DCC: variants seen among roughly 807,000 people sequenced by gnomAD.
DCC encodes DCC netrin 1 receptor.
Under a neutral mutation model 172.5 loss-of-function variants are expected in DCC, and 58 were observed. The ratio of observed to expected loss-of-function variants is 0.34; its 90% CI spans 0.27 to 0.42. The LOEUF (loss-of-function observed/expected upper bound fraction) is 0.42, where lower values mean the gene tolerates loss of function less well. Ranked by LOEUF, DCC falls within the 10% of genes least tolerant of loss-of-function variation. The probability of loss-of-function intolerance (pLI) is 1.00; values close to 1 mark genes in which losing one functional copy is unlikely to be tolerated. For synonymous variants in DCC, 709 were observed against 644.5 expected (o/e 1.10, Z -1.52); for missense variants, 1,740 against 1,791.0 (o/e 0.97, Z 0.51).
intron 1 of DCC, among the ~76,000 whole-genome samples, chr18:52,585,401 A>G (rs1377949872): frequency 6.6e-6 from 1 of 152,234 alleles, no homozygotes; most frequent in African/African-American, 2.4e-5. Context: ...CATAAGACAG[A>G]TTTAGGAGCA....
intron 1 of DCC, among the ~76,000 whole-genome samples, chr18:52,686,736 A>G (rs1430237125): frequency 6.6e-5 from 10 of 152,076 alleles, no homozygotes; most frequent in Non-Finnish European, 1.0e-4. Context: ...GAATGCCATG[A>G]GCTTACATGG....
chr18:52,641,737 G>A (rs2144901842), intron 1 of DCC, among the ~76,000 whole-genome samples: 1 of 152,064 alleles, frequency 6.6e-6, no homozygotes, highest in East Asian at 1.9e-4. Context: ...TGTGGATGTG[G>A]TGAACGGGAA....
intron 25 of DCC, among the ~76,000 whole-genome samples, chr18:53,479,630 A>C (rs1276081486): frequency 6.6e-6 from 1 of 152,176 alleles, no homozygotes; most frequent in Non-Finnish European, 1.5e-5. Flanking sequence ...CAAGATAAGA[A>C]GTAGTTTGTT....
intron 9 of DCC, among the ~76,000 whole-genome samples, chr18:53,197,554 C>G (rs955052379): frequency 1.3e-5 from 2 of 150,088 alleles, no homozygotes; most frequent in African/African-American, 4.9e-5. Context: ...CTGACACTAA[C>G]ATTTATCTTC....
In DCC at chr18:53,259,701, C is replaced by T. The variant is rs550118055; in HGVS notation, c.1911+44104C>T. Among the ~76,000 whole-genome samples the T allele has an allele frequency of 1.2e-3, 190 of 152,060 alleles. 2 individuals carry two copies. The South Asian group carries it at 0.013, about 10-fold the overall frequency. On this transcript the variant is annotated intron_variant, in intron 12 of 28. Coordinates refer to ENST00000442544, the MANE Select transcript of DCC (RefSeq NM_005215.4). ...ACAATTAAGTGTCTTGGAGTTGCTC[C>T]TCTGGAGGAGTATCTTTGTGGTGTT...
chr18:53,390,606 A>G (rs922804851), intron 16 of DCC, among the ~76,000 whole-genome samples: 6 of 152,198 alleles, frequency 3.9e-5, no homozygotes, highest in African/African-American at 1.4e-4. Context: ...TTTTAAGTGT[A>G]AATGTCTTAA....
intron 2 of DCC, among the ~76,000 whole-genome samples, chr18:52,784,469 A>T (rs1048891521): frequency 6.6e-6 from 1 of 152,010 alleles, no homozygotes; most frequent in African/African-American, 2.4e-5. Flanking sequence ...TTCTACTTTT[A>T]GTCTTTTGAG....
intron 25 of DCC, among the ~76,000 whole-genome samples, chr18:53,472,028 AT>A (rs747914278): frequency 1.6e-4 from 25 of 152,280 alleles, no homozygotes; most frequent in Non-Finnish European, 1.6e-4. Flanking sequence ...ACTCAATACC[AT>A]TTAGTCAAAT....
At chr18:53,466,043 C>A (rs747439298) in intron 24 of DCC, among the ~76,000 whole-genome samples, 1 of 152,160 alleles carries the variant, frequency 6.6e-6, no homozygotes, top group Non-Finnish European at 1.5e-5. Context: ...GGATTACAGG[C>A]ATGAGCCACC....
intron 1 of DCC, among the ~76,000 whole-genome samples, chr18:52,510,474 G>T (rs2031397980): frequency 6.6e-6 from 1 of 152,080 alleles, no homozygotes; most frequent in Non-Finnish European, 1.5e-5. Flanking sequence ...AGACATTTGG[G>T]CTTAATAAAC....
intron 10 of DCC, among the ~76,000 whole-genome samples, chr18:53,207,178 C>T (rs1426226062): frequency 6.6e-6 from 1 of 152,170 alleles, no homozygotes; most frequent in African/African-American, 2.4e-5. Flanking sequence ...ATCTCATTTA[C>T]TGCAGCCATG....
chr18:53,176,562 A>G (rs1226574876), intron 8 of DCC, among the ~76,000 whole-genome samples: 1 of 152,218 alleles, frequency 6.6e-6, no homozygotes, highest in East Asian at 1.9e-4. Flanking sequence ...TATGCAGCCA[A>G]AAAACACATG....
At chr18:53,020,766 G>C (rs1018344781) in intron 5 of DCC, among the ~76,000 whole-genome samples, 2 of 152,142 alleles carry the variant, frequency 1.3e-5, no homozygotes, top group Non-Finnish European at 2.9e-5. Context: ...GGATAAGTCA[G>C]AGTCCCTGTC....
At chr18:52,782,189 A>T (rs977653199) in intron 2 of DCC, among the ~76,000 whole-genome samples, 1 of 152,162 alleles carries the variant, frequency 6.6e-6, no homozygotes, top group African/African-American at 2.4e-5. Flanking sequence ...TTTAGAGAGA[A>T]TATTTTCAAA....
chr18:53,262,868 A>C (rs1222173107), intron 12 of DCC, among the ~76,000 whole-genome samples: 1 of 152,226 alleles, frequency 6.6e-6, no homozygotes, highest in Non-Finnish European at 1.5e-5. Context: ...AATTAATTTC[A>C]TGATATTTTC....
At chr18:52,431,667 A>G (rs1987629042) in intron 1 of DCC, among the ~76,000 whole-genome samples, 1 of 152,154 alleles carries the variant, frequency 6.6e-6, no homozygotes, top group African/African-American at 2.4e-5. Context: ...CACCCCTGCA[A>G]CAAGTACAGT....
intron 27 of DCC, among the ~76,000 whole-genome samples, chr18:53,519,705 A>G (rs576947514): frequency 4.7e-4 from 71 of 152,178 alleles, no homozygotes; most frequent in Admixed American, 1.2e-3. Context: ...TAGAAGTTCT[A>G]TGAAAAGCGT....
At position 52,873,666 on chromosome 18, in the gene DCC, G is replaced by T. The variant is rs558107284; in HGVS notation, c.413-32378G>T. Among the ~76,000 whole-genome samples, 21 of 152,280 alleles carry T rather than the reference G, an allele frequency of 1.4e-4. No homozygotes were observed. In the South Asian group the frequency reaches 1.7e-3, roughly 12 times the overall value. ...GTCAACAGTGAATACAGCTGATTTG[G>T]CTTGGCTTGTTCTTCCTAAACTACG... On this transcript the variant is annotated intron_variant, in intron 2 of 28. Transcript: ENST00000442544.
Position 52,804,305 on chromosome 18 carries a change from A to G in DCC, c.412+51931A>G, listed in dbSNP as rs191445868. Among the ~76,000 whole-genome samples the G allele has an allele frequency of 3.9e-5, 6 of 152,346 alleles. No individual in the cohort carries two copies. In the East Asian group the frequency reaches 9.6e-4, roughly 24 times the overall value. On this transcript the variant is annotated intron_variant, in intron 2 of 28. Transcript: ENST00000442544. Reference sequence around the variant, plus strand: ...GAAGAAACTGGGGCTTAGAGAGTACATAAATTGGTCAATATCATACCATTT... The same window carrying G: ...GAAGAAACTGGGGCTTAGAGAGTACGTAAATTGGTCAATATCATACCATTT...
Sources: allele counts gnomAD v4.1 joint callset (sites outside exome capture counted in the v4.1 genomes callset), GRCh38; gene constraint gnomAD v4.1.1; transcripts MANE v1.5; gene names NCBI Gene and HGNC (gene_info 2026-07-23, HGNC 2026-07-21).